Variants in STPG2 observed in about 807,000 individuals in gnomAD.
STPG2 encodes the protein sperm-tail PG-rich repeat-containing protein 2.
A neutral mutation model predicts 54.2 loss-of-function variants in STPG2; 56 were observed. The observed-to-expected ratio is 1.03, with a 90% CI of 0.83 to 1.29. STPG2 has a LOEUF of 1.29. Ranked by LOEUF, STPG2 falls within the 50% of genes most tolerant of loss-of-function variation. The probability of loss-of-function intolerance (pLI) is 0.00; values close to 1 mark genes in which losing one functional copy is unlikely to be tolerated. For synonymous variants in STPG2, 200 were observed against 181.8 expected, an observed-to-expected ratio of 1.10 and a Z score of -0.81; for missense variants, 596 against 544.9, an observed-to-expected ratio of 1.09 and a Z score of -0.93.
intron 4 of STPG2, among the ~76,000 whole-genome samples, chr4:97,507,174 T>C (rs112907337): frequency 0.023 from 3,402 of 151,100 alleles, 82 homozygotes; most frequent in African/African-American, 0.064. Context: ...AAAAACAGAA[T>C]AAAACAAACA....
chr4:97,589,977 TAA>T (rs921747425), intron 10 of STPG2, among the ~76,000 whole-genome samples: 2 of 152,112 alleles, frequency 1.3e-5, no homozygotes, highest in African/African-American at 4.8e-5. Context: ...TGAAATTGAC[TAA>T]AGAGGGATGC....
chr4:97,539,404 T>A (rs1303271905), intron 4 of STPG2, among the ~76,000 whole-genome samples: 1 of 152,174 alleles, frequency 6.6e-6, no homozygotes, highest in Admixed American at 6.5e-5. Context: ...TAGTCTCTGA[T>A]AAAATAGACT....
At chr4:97,982,377 T>TCTACAC (rs143979772) in intron 5 of STPG2, among the ~76,000 whole-genome samples, 1 of 143,538 alleles carries the variant, frequency 7.0e-6, no homozygotes, top group African/African-American at 2.6e-5. Flanking sequence ...TCTCTTACTC[T>TCTACAC]ACACACACAC....
chr4:97,589,721 T>C (rs1733089870), intron 10 of STPG2, among the ~76,000 whole-genome samples: 2 of 152,150 alleles, frequency 1.3e-5, no homozygotes, highest in Admixed American at 1.3e-4. Flanking sequence ...GGTTCGCAAA[T>C]GTGACTGTGA....
chr4:97,751,388 C>T (rs2149045566), intron 9 of STPG2, among the ~76,000 whole-genome samples: 1 of 151,852 alleles, frequency 6.6e-6, no homozygotes, highest in Middle Eastern at 3.4e-3. Context: ...TTGGGAACCC[C>T]CAACACAACT....
intron 8 of STPG2, among the ~76,000 whole-genome samples, chr4:97,886,088 A>G (rs566843666): frequency 1.1e-3 from 163 of 152,338 alleles, no homozygotes; most frequent in Admixed American, 2.0e-3. Context: ...AATAGAATAC[A>G]TACTAATACT....
chr4:97,976,076 T>C (rs528403436), intron 6 of STPG2, among the ~76,000 whole-genome samples: 2 of 152,170 alleles, frequency 1.3e-5, no homozygotes, highest in East Asian at 1.9e-4. Context: ...CTGACACATA[T>C]AAGATTTCTC....
chr4:97,778,567 C>A (rs563578938), intron 9 of STPG2, among the ~76,000 whole-genome samples: 1 of 152,194 alleles, frequency 6.6e-6, no homozygotes, highest in African/African-American at 2.4e-5. Flanking sequence ...CCCTGTCTGA[C>A]AGCTTTGAAG....
intron 8 of STPG2, among the ~76,000 whole-genome samples, chr4:97,924,133 G>C (rs2149212663): frequency 6.6e-6 from 1 of 152,216 alleles, no homozygotes; most frequent in Middle Eastern, 3.4e-3. Context: ...CACTCCTGAG[G>C]TCAGCGAGAC....
chr4:97,656,903 T>C (rs1255477111), intron 10 of STPG2, among the ~76,000 whole-genome samples: 1 of 151,980 alleles, frequency 6.6e-6, no homozygotes, highest in African/African-American at 2.4e-5. Flanking sequence ...GGAAACTTTT[T>C]TGAAAATATA....
chr4:97,863,978 C>G (rs1172264929), intron 8 of STPG2, among the ~76,000 whole-genome samples: 3 of 152,116 alleles, frequency 2.0e-5, no homozygotes, highest in Non-Finnish European at 2.9e-5. Flanking sequence ...ATGACAAACC[C>G]ACAGCCCATA....
chr4:97,516,374 A>G (rs1459297858), intron 4 of STPG2, among the ~76,000 whole-genome samples: 2 of 152,142 alleles, frequency 1.3e-5, no homozygotes, highest in Non-Finnish European at 2.9e-5. Context: ...TTGAATGTCA[A>G]TTGTAATGCA....
chr4:98,025,655 G>A (rs1337475001), intron 5 of STPG2: 2 of 924,016 alleles, frequency 2.2e-6, no homozygotes, highest in Admixed American at 3.4e-5. Flanking sequence ...TATGAAGGAT[G>A]GCCTAACAAA....
intron 9 of STPG2, among the ~76,000 whole-genome samples, chr4:97,714,179 C>G (rs1724217349): frequency 6.6e-6 from 1 of 152,088 alleles, no homozygotes; most frequent in Non-Finnish European, 1.5e-5. Context: ...AATAAGCATG[C>G]AATTCAATCT....
intron 8 of STPG2, among the ~76,000 whole-genome samples, chr4:97,918,126 TG>T (rs1162351657): frequency 6.6e-6 from 1 of 152,130 alleles, no homozygotes; most frequent in Non-Finnish European, 1.5e-5. Context: ...TGAAAATTCT[TG>T]AGTAATTATA....
chr4:97,567,388 C>T (rs1732480851), intron 10 of STPG2, among the ~76,000 whole-genome samples: 1 of 149,990 alleles, frequency 6.7e-6, no homozygotes, highest in East Asian at 1.9e-4. Context: ...TGGTGCAATC[C>T]CGAAATAGAG....
intron 8 of STPG2, among the ~76,000 whole-genome samples, chr4:97,913,586 T>G (rs946751281): frequency 2.0e-5 from 3 of 152,124 alleles, no homozygotes; most frequent in African/African-American, 7.2e-5. Context: ...AAGATTACAG[T>G]GCACAGTGAT....
intron 10 of STPG2, among the ~76,000 whole-genome samples, chr4:97,635,156 AC>A (rs1721463709): frequency 6.6e-6 from 1 of 152,130 alleles, no homozygotes; most frequent in African/African-American, 2.4e-5. Context: ...CAGAAACCCT[AC>A]AAGCCAGAAG....
Position 97,997,915 on chromosome 4 carries a change from G to A in STPG2, c.613-16597C>T, listed in dbSNP as rs182508540. ...TATAACAAACCTGCCCAGGTACCCC[G>A]AACCTAAAATGAAAAATTTTTTTAA... On this transcript the variant is annotated intron_variant, in intron 5 of 10. Coordinates refer to ENST00000295268, the MANE Select transcript of STPG2 (RefSeq NM_174952.3). Among the ~76,000 whole-genome samples, 645 of 152,118 alleles carry A rather than the reference G, an allele frequency of 4.2e-3. 2 individuals carry two copies. Among genetic ancestry groups the A allele is most frequent in the South Asian group, 0.024 (115 of 4,818 alleles).
Sources: gnomAD v4.1 joint callset for allele counts (sites outside exome capture counted in the v4.1 genomes callset) on GRCh38, gnomAD v4.1.1 for gene constraint, MANE v1.5 for transcripts, NCBI Gene and HGNC (gene_info 2026-07-23, HGNC 2026-07-21) for gene names.